The following KCNH8 variants were observed in gnomAD, a reference collection of about 807,000 sequenced individuals.
The protein encoded by KCNH8 is voltage-gated delayed rectifier potassium channel KCNH8.
KCNH8 carries 70 observed loss-of-function variants against 103.6 expected under a neutral mutation model. The ratio of observed to expected loss-of-function variants is 0.68; its 90% CI spans 0.56 to 0.82. The LOEUF (loss-of-function observed/expected upper bound fraction) is 0.82. KCNH8 is among the 40% of genes least tolerant of loss of function. The probability of loss-of-function intolerance (pLI) is 0.00; values close to 1 mark genes in which losing one functional copy is unlikely to be tolerated. For synonymous variants in KCNH8, 498 were observed against 489.4 expected, an observed-to-expected ratio of 1.02 and a Z score of -0.23; for missense variants, 1,217 against 1,329.9, an observed-to-expected ratio of 0.92 and a Z score of 1.32.
chr3:19,295,255 A>T (rs1002902678), intron 3 of KCNH8, among the ~76,000 whole-genome samples: 3 of 151,926 alleles, frequency 2.0e-5, no homozygotes, highest in Non-Finnish European at 4.4e-5. Flanking sequence ...GTGGCGGTTC[A>T]TACCTGTGGT....
chr3:19,501,335 T>C (rs560606714), intron 11 of KCNH8, among the ~76,000 whole-genome samples: 4 of 152,164 alleles, frequency 2.6e-5, no homozygotes, highest in Admixed American at 6.5e-5. Flanking sequence ...ACAGCCGAAT[T>C]CTACCAGAGG....
At position 19,344,884 on chromosome 3, in the gene KCNH8, TG is replaced by T. The variant is rs1035489610; in HGVS notation, c.570+2172del. On this transcript the variant is annotated intron_variant, in intron 4 of 15. Transcript: ENST00000328405. Reference sequence around the variant, plus strand: ...ATTTTTATTAGTCCCATTTTAATGATGGAAAAAAACACAACTTATTAGAAGC... The same window carrying T: ...ATTTTTATTAGTCCCATTTTAATGATGAAAAAAACACAACTTATTAGAAGC... 3.3e-5 allele frequency among the ~76,000 whole-genome samples: 5 copies of T among 152,054 alleles called. 1 individual carries two copies. The highest frequency in any genetic ancestry group is 3.3e-4 in the Admixed American group (5 of 15,236).
intron 11 of KCNH8, among the ~76,000 whole-genome samples, chr3:19,494,559 T>G (rs1295779082): frequency 6.6e-6 from 1 of 152,188 alleles, no homozygotes; most frequent in Non-Finnish European, 1.5e-5. Context: ...TGGGTATATC[T>G]TTATCAACAG....
intron 5 of KCNH8, among the ~76,000 whole-genome samples, chr3:19,357,281 G>T (rs1197432143): frequency 6.6e-6 from 1 of 151,840 alleles, no homozygotes; most frequent in Non-Finnish European, 1.5e-5. Flanking sequence ...GGGATGTGTA[G>T]ATAGAAGGAG....
At chr3:19,530,266 C>T (rs2069137259) in intron 15 of KCNH8, among the ~76,000 whole-genome samples, 1 of 152,140 alleles carries the variant, frequency 6.6e-6, no homozygotes, top group Non-Finnish European at 1.5e-5. Context: ...AATTAACAAT[C>T]ACTTACTGTA....
At chr3:19,321,483 A>T (rs909696493) in intron 3 of KCNH8, among the ~76,000 whole-genome samples, 4 of 150,850 alleles carry the variant, frequency 2.7e-5, no homozygotes, top group Admixed American at 6.6e-5. Flanking sequence ...ATGTATTTGC[A>T]TGGTTTTGAG....
In KCNH8 at chr3:19,513,251, TAAAAG is replaced by T. The variant is rs2068818098; in HGVS notation, c.2362_2366del (p.Lys788GlufsTer14). 15 of 1,613,460 alleles carry T rather than the reference TAAAAG, an allele frequency of 9.3e-6. No homozygotes were observed. Among genetic ancestry groups the T allele is most frequent in the Non-Finnish European group, 1.2e-5 (14 of 1,179,844 alleles). ...AGGAAATTGACCCCCCCAACCATAA[TAAAAG>T]GAAAGAGAAGAACTTGAAATTGCAA... On this transcript the variant is annotated frameshift_variant, in exon 13 of 16. Transcript: ENST00000328405. LOFTEE classifies it high-confidence loss of function.
chr3:19,383,787 T>C (rs1281208779), intron 5 of KCNH8, among the ~76,000 whole-genome samples: 1 of 152,106 alleles, frequency 6.6e-6, no homozygotes, highest in African/African-American at 2.4e-5. Context: ...ATAGATTAGA[T>C]AGTTCTTATA....
intron 1 of KCNH8, among the ~76,000 whole-genome samples, chr3:19,242,632 T>G (rs1251183320): frequency 5.9e-5 from 9 of 152,166 alleles, no homozygotes; most frequent in Non-Finnish European, 1.3e-4. Context: ...CTTCCCACAC[T>G]GGAGCTGCGG....
intron 2 of KCNH8, among the ~76,000 whole-genome samples, chr3:19,270,498 C>T (rs185682400): frequency 7.9e-5 from 12 of 152,194 alleles, no homozygotes; most frequent in African/African-American, 1.9e-4. Context: ...TGGTGAGTAA[C>T]GCAAGGATAA....
chr3:19,518,922 A>G (rs1246312826), intron 15 of KCNH8, among the ~76,000 whole-genome samples: 2 of 152,072 alleles, frequency 1.3e-5, no homozygotes, highest in Non-Finnish European at 2.9e-5. Flanking sequence ...TGGGTGCAAA[A>G]GTTTATTTGA....
intron 11 of KCNH8, among the ~76,000 whole-genome samples, chr3:19,506,585 T>C (rs1455369874): frequency 1.3e-5 from 2 of 152,072 alleles, no homozygotes; most frequent in Non-Finnish European, 2.9e-5. Context: ...TGGGCTCCTC[T>C]CCCACTTGAG....
At chr3:19,219,295 T>C (rs2063848174) in intron 1 of KCNH8, among the ~76,000 whole-genome samples, 1 of 152,168 alleles carries the variant, frequency 6.6e-6, no homozygotes, top group Admixed American at 6.5e-5. Context: ...CAACTCCTCC[T>C]CATACCCCTC....
At chr3:19,240,857 T>C (rs1340235943) in intron 1 of KCNH8, among the ~76,000 whole-genome samples, 2 of 152,082 alleles carry the variant, frequency 1.3e-5, no homozygotes, top group African/African-American at 4.8e-5. Context: ...GTGGAATCCA[T>C]AGGCAAATTT....
chr3:19,307,017 A>G (rs1559469259), intron 3 of KCNH8, among the ~76,000 whole-genome samples: 1 of 152,036 alleles, frequency 6.6e-6, no homozygotes. Flanking sequence ...TGGCATAGAA[A>G]GAGACACATA....
At chr3:19,391,030 C>G (rs2066429768) in intron 6 of KCNH8, among the ~76,000 whole-genome samples, 1 of 151,978 alleles carries the variant, frequency 6.6e-6, no homozygotes, top group Admixed American at 6.6e-5. Flanking sequence ...TTGTATGACC[C>G]TTAACTCTCT....
At chr3:19,367,681 G>GAAC (rs944255678) in intron 5 of KCNH8, among the ~76,000 whole-genome samples, 5 of 151,732 alleles carry the variant, frequency 3.3e-5, no homozygotes, top group Non-Finnish European at 5.9e-5. Context: ...TCATTGAGTT[G>GAAC]AACAACAGCC....
chr3:19,362,890 G>A (rs2065965264), intron 5 of KCNH8, among the ~76,000 whole-genome samples: 1 of 152,054 alleles, frequency 6.6e-6, no homozygotes, highest in East Asian at 1.9e-4. Context: ...GAGCTCAAGT[G>A]ATCCTCCCCC....
At chr3:19,398,861 C>A (rs571757398) in intron 7 of KCNH8, among the ~76,000 whole-genome samples, 5 of 152,066 alleles carry the variant, frequency 3.3e-5, no homozygotes, top group Non-Finnish European at 5.9e-5. Context: ...CTAGTGAATA[C>A]TTATCATTTT....
Sources: gnomAD v4.1 joint callset for allele counts (sites outside exome capture counted in the v4.1 genomes callset) on GRCh38, gnomAD v4.1.1 for gene constraint, MANE v1.5 for transcripts, NCBI Gene and HGNC (gene_info 2026-07-23, HGNC 2026-07-21) for gene names.